CCNB3: variants seen among roughly 807,000 people sequenced by gnomAD.
The protein encoded by CCNB3 is cyclin B3, also known as G2/mitotic-specific cyclin-B3.
In CCNB3, 12 loss-of-function variants were observed where a neutral mutation model predicts 68.0. The observed-to-expected ratio is 0.18, with a 90% CI of 0.11 to 0.29. CCNB3 has a LOEUF of 0.29. Ranked by LOEUF, CCNB3 falls within the 10% of genes least tolerant of loss-of-function variation. The pLI is 1.00. For synonymous variants in CCNB3, 354 were observed against 388.9 expected (o/e 0.91, Z 1.06); for missense variants, 904 against 993.1 (o/e 0.91, Z 1.21).
rs1251289447 is a variant in CCNB3 at position 50,224,291 on chromosome X, T to C, written c.-113+19341T>C. On this transcript the variant is annotated intron_variant, in intron 1 of 12. Transcript: ENST00000376042. ...GTAAGGTAGATTATAATAGATCTTT[T>C]CTATTACACTTTAATACAGAGGTAT... Among the ~76,000 whole-genome samples, 6 of 111,336 alleles carry C rather than the reference T, an allele frequency of 5.4e-5. No individual in the cohort carries two copies. The East Asian group carries it at 1.7e-3, about 31-fold the overall frequency.
chrX:50,334,898 G>A (rs1922773401), intron 8 of CCNB3, among the ~76,000 whole-genome samples: 1 of 112,037 alleles, frequency 8.9e-6, no homozygotes, highest in Non-Finnish European at 1.9e-5. Flanking sequence ...GGTTCCGGTA[G>A]GCTGCAGATG....
Position 50,310,007 on chromosome X carries a change from A to G in CCNB3, c.1838A>G (p.Glu613Gly). 1 of 1,210,150 alleles carries G rather than the reference A, an allele frequency of 8.3e-7. No individual in the cohort carries two copies. Among genetic ancestry groups the G allele is most frequent in the Non-Finnish European group, 1.1e-6 (1 of 894,308 alleles). ...KPLVLQKITS[E>G]EESFYKKLLP... ...CTGGTCTTGCAGAAGATCACTTCTG[A>G]GGAGGAGTCATTCTATAAGAAGCTG... Residue 613 changes from glutamate to glycine, a missense_variant, in exon 6 of 13, where the codon GAG (glutamate) becomes GGG (glycine). Around this residue, in one of 2 missense-constraint regions of CCNB3, gnomAD observed 619 missense variants for 609.8 expected, o/e 1.02. Coordinates refer to ENST00000376042, the MANE Select transcript of CCNB3 (RefSeq NM_033031.3).
At chrX:50,228,238 A>G (rs1935957934) in intron 1 of CCNB3, among the ~76,000 whole-genome samples, 1 of 85,603 alleles carries the variant, frequency 1.2e-5, no homozygotes, top group Non-Finnish European at 2.1e-5. Context: ...ATACATACAT[A>G]GAATATATAT....
intron 5 of CCNB3, among the ~76,000 whole-genome samples, chrX:50,305,897 C>T (rs1392396687): frequency 6.0e-5 from 6 of 100,765 alleles, no homozygotes; most frequent in Non-Finnish European, 9.9e-5. Context: ...ATGCCTCAGC[C>T]TTCCTGAGTA....
chrX:50,216,288 A>T (rs887704573), intron 1 of CCNB3, among the ~76,000 whole-genome samples: 2 of 104,857 alleles, frequency 1.9e-5, no homozygotes, highest in African/African-American at 7.1e-5. Flanking sequence ...TGTGTGTGTG[A>T]GACAGAGTCT....
At chrX:50,280,138 A>AAAAAATATATAGAATATATAT (rs1250480767) in intron 1 of CCNB3, among the ~76,000 whole-genome samples, 174 of 19,470 alleles carry the variant, frequency 8.9e-3, no homozygotes, top group African/African-American at 0.018. Flanking sequence ...AATATATGTA[A>AAAAAATATATAGAATATATAT]AAATATATAT....
At chrX:50,318,924 T>C (rs1921879851) in intron 8 of CCNB3, among the ~76,000 whole-genome samples, 1 of 111,477 alleles carries the variant, frequency 9.0e-6, no homozygotes, top group Non-Finnish European at 1.9e-5. Context: ...CCCAATAAAA[T>C]TTTGGGCACT....
chrX:50,299,908 G>C (rs1273534001), intron 5 of CCNB3, among the ~76,000 whole-genome samples: 4 of 111,158 alleles, frequency 3.6e-5, no homozygotes, highest in African/African-American at 1.3e-4. Flanking sequence ...TGTCTCTTTT[G>C]ATCTTTGTTG....
At chrX:50,279,651 C>G (rs1187053534) in intron 1 of CCNB3, among the ~76,000 whole-genome samples, 1 of 88,925 alleles carries the variant, frequency 1.1e-5, no homozygotes, top group Non-Finnish European at 2.1e-5. Flanking sequence ...TATGTACATT[C>G]ATCTATGTAA....
intron 8 of CCNB3, among the ~76,000 whole-genome samples, chrX:50,324,103 A>G: frequency 8.9e-6 from 1 of 112,294 alleles, no homozygotes; most frequent in Non-Finnish European, 1.9e-5. Flanking sequence ...ACCTTGGCTC[A>G]CCGCAATCTC....
chrX:50,312,724 A>C, intron 7 of CCNB3, 92 bp downstream of exon 7: 2 of 553,976 alleles, frequency 3.6e-6, no homozygotes, highest in Non-Finnish European at 6.0e-6. Context: ...GGGTGGTAAT[A>C]ATGATGATAA....
At chrX:50,210,316 G>A (rs1441100116) in intron 1 of CCNB3, among the ~76,000 whole-genome samples, 2 of 111,754 alleles carry the variant, frequency 1.8e-5, no homozygotes, top group Admixed American at 1.9e-4. Flanking sequence ...GGTACCCAAA[G>A]AAAAGTTTAA....
At chrX:50,226,966 A>G (rs1239325013) in intron 1 of CCNB3, among the ~76,000 whole-genome samples, 2 of 76,839 alleles carry the variant, frequency 2.6e-5, no homozygotes, top group Non-Finnish European at 4.5e-5. Flanking sequence ...GTATATATAT[A>G]GAATATATAT....
intron 8 of CCNB3, among the ~76,000 whole-genome samples, chrX:50,334,560 C>T (rs1922755103): frequency 8.9e-6 from 1 of 112,507 alleles, no homozygotes; most frequent in Non-Finnish European, 1.9e-5. Flanking sequence ...CTTTGGAAAC[C>T]CCATCTAGTT....
chrX:50,292,235 C>T (rs1260903479), intron 4 of CCNB3, among the ~76,000 whole-genome samples: 3 of 110,619 alleles, frequency 2.7e-5, no homozygotes, highest in Non-Finnish European at 5.7e-5. Flanking sequence ...CTTTATAGCA[C>T]GTTTTCCCCT....
Position 50,294,858 on chromosome X carries a change from TGCAGG to T in CCNB3, c.205-4_205del. On this transcript the variant is annotated splice_acceptor_variant and splice_polypyrimidine_tract_variant and coding_sequence_variant and intron_variant, in exon 5 of 13. Transcript: ENST00000376042. LOFTEE classifies it high-confidence loss of function. ...CTGCCCCCCAACCCACCTTTTTTTT[TGCAGG>T]CTTCTCAATGTCAACCTGTCCAGCC... is the stretch of plus-strand genomic sequence containing the variant. The T allele has an allele frequency of 1.7e-6, 2 of 1,185,354 alleles. No individual in the cohort carries two copies. The highest frequency in any genetic ancestry group is 1.8e-5 in the African/African-American group (1 of 56,532).
At chrX:50,292,135 A>G (rs1358850435) in intron 4 of CCNB3, among the ~76,000 whole-genome samples, 1 of 111,412 alleles carries the variant, frequency 9.0e-6, no homozygotes, top group Non-Finnish European at 1.9e-5. Context: ...ACCACAATAT[A>G]CTTATCAATT....
chrX:50,312,400 T>C (rs1303815038), intron 6 of CCNB3, 137 bp from the exon 7 acceptor site: 49 of 520,637 alleles, frequency 9.4e-5, no homozygotes, highest in Non-Finnish European at 1.5e-4. Flanking sequence ...TACTGTGTTA[T>C]GGCCCAACAT....
chrX:50,215,437 G>A lies in CCNB3; in HGVS notation c.-113+10487G>A, dbSNP rs1000403267. On this transcript the variant is annotated intron_variant, in intron 1 of 12. Transcript: ENST00000376042. ...ATCTATTTTGGTGAAAGTTCCATGG[G>A]CACTTGAAATGAATGTGTATTTTTT... 2.1e-3 allele frequency among the ~76,000 whole-genome samples: 233 copies of A among 110,145 alleles called. 5 individuals are homozygous for A. The East Asian group carries it at 0.063, about 30-fold the overall frequency.
Sources: allele counts gnomAD v4.1 joint callset (sites outside exome capture counted in the v4.1 genomes callset), GRCh38; gene constraint gnomAD v4.1.1; regional missense constraint gnomAD v4.1.1; transcripts MANE v1.5; gene names NCBI Gene and HGNC (gene_info 2026-07-23, HGNC 2026-07-21).